Variants in TAS2R1 observed in about 807,000 individuals in gnomAD.
TAS2R1 encodes the protein taste receptor type 2 member 1.
For missense variants in TAS2R1, 370 were observed against 353.4 expected, an observed-to-expected ratio of 1.05 and a Z score of -0.38; for synonymous variants, 141 against 134.2, an observed-to-expected ratio of 1.05 and a Z score of -0.35.
intron 1 of TAS2R1, among the ~76,000 whole-genome samples, chr5:9,670,815 A>C (rs1462803899): frequency 6.6e-6 from 1 of 152,164 alleles, no homozygotes; most frequent in Non-Finnish European, 1.5e-5. Flanking sequence ...TCCTGAAACC[A>C]AAACCTGGCA....
the TAS2R1 span, among the ~76,000 whole-genome samples, chr5:9,730,039 A>G: frequency 6.6e-6 from 1 of 152,060 alleles, no homozygotes; most frequent in Non-Finnish European, 1.5e-5. Context: ...AAATATATGA[A>G]TGCCAGCTCA....
chr5:9,718,642 A>ACAAAT, the TAS2R1 span, among the ~76,000 whole-genome samples: 2 of 152,126 alleles, frequency 1.3e-5, no homozygotes, highest in South Asian at 2.1e-4. Flanking sequence ...ACAAAACAAA[A>ACAAAT]CAAATCAAAT....
the TAS2R1 span, among the ~76,000 whole-genome samples, chr5:9,841,305 CCCTTT>C: frequency 1.0e-3 from 157 of 152,238 alleles, no homozygotes; most frequent in African/African-American, 3.7e-3. Flanking sequence ...ATTACATATT[CCCTTT>C]CATCTTCTCC....
intron 2 of TAS2R1, among the ~76,000 whole-genome samples, chr5:9,645,917 C>A (rs1250756324): frequency 5.9e-5 from 9 of 152,128 alleles, no homozygotes; most frequent in African/African-American, 2.2e-4. Context: ...TTAAATGAAC[C>A]CACAAATTCT....
chr5:9,629,751 C>T lies in TAS2R1; in HGVS notation c.162G>A (p.Trp54Ter), dbSNP rs755882569. 7 of 1,613,812 alleles carry T rather than the reference C, an allele frequency of 4.3e-6. No individual in the cohort carries two copies. Among genetic ancestry groups the T allele is most frequent in the Admixed American group, 1.7e-5 (1 of 59,966 alleles). ...AGAAAACGCCGAGCCATGTGGCAAG[C>T]CAAAGTTCCAATTCATTTATAAATA... The change falls in exon 3 of 3, where the codon TGG (tryptophan) becomes TGA (stop). Residue 54 changes from tryptophan (W) to a stop codon, truncating the protein, a stop_gained. Transcript: ENST00000506620. LOFTEE classifies it high-confidence loss of function.
At chr5:9,800,927 C>T in the TAS2R1 span, among the ~76,000 whole-genome samples, 4 of 152,140 alleles carry the variant, frequency 2.6e-5, no homozygotes, top group Admixed American at 1.3e-4. Context: ...CATGGTGGCT[C>T]AACCCTGTAA....
the TAS2R1 span, among the ~76,000 whole-genome samples, chr5:9,887,744 A>G: frequency 6.6e-6 from 1 of 152,246 alleles, no homozygotes. Context: ...AGGGAGAAAC[A>G]GACATGTCAA....
the TAS2R1 span, among the ~76,000 whole-genome samples, chr5:9,824,786 G>A: frequency 2.0e-5 from 3 of 147,774 alleles, no homozygotes; most frequent in Non-Finnish European, 4.4e-5. Flanking sequence ...AGCGGAGGTT[G>A]CAGCGAGCCA....
At chr5:9,700,406 C>T (rs765993179) in intron 1 of TAS2R1, among the ~76,000 whole-genome samples, 3 of 152,130 alleles carry the variant, frequency 2.0e-5, no homozygotes, top group Non-Finnish European at 2.9e-5. Flanking sequence ...CATAGATTCA[C>T]GGAAAATATA....
chr5:9,687,316 T>A (rs1741147938), intron 1 of TAS2R1, among the ~76,000 whole-genome samples: 1 of 152,224 alleles, frequency 6.6e-6, no homozygotes. Context: ...ACAAGCATGC[T>A]TTATTTTAAA....
chr5:9,674,639 T>C (rs1290930945), intron 1 of TAS2R1, among the ~76,000 whole-genome samples: 1 of 152,174 alleles, frequency 6.6e-6, no homozygotes, highest in Non-Finnish European at 1.5e-5. Flanking sequence ...TTTAATTACA[T>C]ATACATGCAT....
the TAS2R1 span, among the ~76,000 whole-genome samples, chr5:9,747,467 G>A: frequency 4.6e-5 from 7 of 152,176 alleles, no homozygotes; most frequent in Non-Finnish European, 1.0e-4. Context: ...GAACTGGCAT[G>A]CAGAGATCAC....
the TAS2R1 span, among the ~76,000 whole-genome samples, chr5:9,855,085 T>C: frequency 2.6e-5 from 4 of 152,202 alleles, no homozygotes; most frequent in African/African-American, 9.6e-5. Flanking sequence ...TACCTGGACA[T>C]GGGTGTTTAC....
At chr5:9,860,785 C>T in the TAS2R1 span, among the ~76,000 whole-genome samples, 1 of 152,190 alleles carries the variant, frequency 6.6e-6, no homozygotes, top group Non-Finnish European at 1.5e-5. Context: ...TGTCTCAGTA[C>T]CCATCTGTGC....
At chr5:9,886,756 A>C in the TAS2R1 span, among the ~76,000 whole-genome samples, 2 of 152,328 alleles carry the variant, frequency 1.3e-5, no homozygotes, top group African/African-American at 4.8e-5. Context: ...GAGGATCAAA[A>C]AACTGTCTAT....
At chr5:9,701,355 G>C (rs533735133) in intron 1 of TAS2R1, among the ~76,000 whole-genome samples, 29 of 151,708 alleles carry the variant, frequency 1.9e-4, no homozygotes, top group African/African-American at 7.0e-4. Flanking sequence ...CTGGCAACAA[G>C]ATGAATGGCA....
the TAS2R1 span, among the ~76,000 whole-genome samples, chr5:9,796,745 GA>G: frequency 1.0e-3 from 112 of 107,422 alleles, no homozygotes; most frequent in African/African-American, 2.8e-3. Context: ...AAAAAGAAAA[GA>G]AAAAAAAAAA....
chr5:9,682,634 CATG>C (rs1741014269), intron 1 of TAS2R1, among the ~76,000 whole-genome samples: 1 of 152,186 alleles, frequency 6.6e-6, no homozygotes, highest in Admixed American at 6.5e-5. Flanking sequence ...GAACTATGAT[CATG>C]ATGATTTTAA....
upstream of TAS2R1, among the ~76,000 whole-genome samples, chr5:9,630,987 A>G (rs1405002454): frequency 6.6e-6 from 1 of 152,158 alleles, no homozygotes; most frequent in Non-Finnish European, 1.5e-5. Flanking sequence ...TTTGGGCTAC[A>G]TAACTCTTTG....
Sources: allele counts gnomAD v4.1 joint callset (sites outside exome capture counted in the v4.1 genomes callset), GRCh38; gene constraint gnomAD v4.1.1; transcripts MANE v1.5; gene names NCBI Gene and HGNC (gene_info 2026-07-23, HGNC 2026-07-21).